Variants in ZNF532 observed in about 807,000 individuals in gnomAD.
ZNF532 encodes zinc finger protein 532.
Under a neutral mutation model 89.3 loss-of-function variants are expected in ZNF532, and 22 were observed. That is an observed-to-expected ratio of 0.25 (90% CI 0.18 to 0.35). The LOEUF (loss-of-function observed/expected upper bound fraction) is 0.35. Among genes scored for constraint, ZNF532 ranks in the 10% least tolerant of loss-of-function variants. The probability of loss-of-function intolerance (pLI) is 1.00; values close to 1 mark genes in which losing one functional copy is unlikely to be tolerated. For missense variants in ZNF532, 1,132 were observed against 1,643.4 expected (o/e 0.69, Z 5.38); for synonymous variants, 606 against 649.6 (o/e 0.93, Z 1.02).
chr18:58,866,022 T>G (rs2144369522), intron 2 of ZNF532, among the ~76,000 whole-genome samples: 1 of 152,370 alleles, frequency 6.6e-6, no homozygotes, highest in South Asian at 2.1e-4. Context: ...ATTCATCACC[T>G]TTCTTTTACC....
At chr18:58,962,087 A>G (rs546279264) in intron 7 of ZNF532, among the ~76,000 whole-genome samples, 5 of 152,220 alleles carry the variant, frequency 3.3e-5, no homozygotes, top group African/African-American at 1.2e-4. Flanking sequence ...TTAGCTGGGC[A>G]TGGTGGCGGG....
intron 2 of ZNF532, among the ~76,000 whole-genome samples, chr18:58,870,592 A>T (rs1337242161): frequency 6.6e-6 from 1 of 152,132 alleles, no homozygotes; most frequent in Non-Finnish European, 1.5e-5. Context: ...ACCTTTCGTT[A>T]CAAAGGTCCT....
chr18:58,906,763 C>G lies in ZNF532; in HGVS notation c.-17-11508C>G, dbSNP rs956015000. On this transcript the variant is annotated intron_variant, in intron 2 of 9. Coordinates refer to ENST00000591808, the MANE Select transcript of ZNF532 (RefSeq NM_001375912.1). Reference sequence around the variant, plus strand: ...CCAAGCTAATACAAAATTATTATTACTTGAAAGAGAAATTGGCTGCTTCTT... The same window carrying G: ...CCAAGCTAATACAAAATTATTATTAGTTGAAAGAGAAATTGGCTGCTTCTT... Among the ~76,000 whole-genome samples, 5 of 152,164 alleles carry G rather than the reference C, an allele frequency of 3.3e-5. No homozygotes were observed. The East Asian group carries it at 7.7e-4, about 23-fold the overall frequency.
rs1484047775 is a variant in ZNF532 at position 58,986,408 on chromosome 18, C to A, written c.*1942C>A. On this transcript the variant is annotated 3_prime_UTR_variant, in exon 10 of 10. Coordinates refer to ENST00000591808, the MANE Select transcript of ZNF532 (RefSeq NM_001375912.1). ...TATTTTGCTCTCTAAATCTAATGCTCGCTCTATGTGGTTATGTACATATTG... is the reference window on the plus strand; with the variant it reads ...TATTTTGCTCTCTAAATCTAATGCTAGCTCTATGTGGTTATGTACATATTG... The A allele has an allele frequency of 6.6e-6, 1 of 152,558 alleles. No individual in the cohort carries two copies. The highest frequency in any genetic ancestry group is 1.5e-5 in the Non-Finnish European group (1 of 68,036). The allele number at this position is 152,558 out of a possible 1,614,324, so 9.5% of individuals were successfully genotyped here.
intron 3 of ZNF532, among the ~76,000 whole-genome samples, chr18:58,922,862 C>T (rs1369047218): frequency 6.6e-6 from 1 of 152,162 alleles, no homozygotes; most frequent in African/African-American, 2.4e-5. Flanking sequence ...AGGGCATGAG[C>T]AGGCGGGTAG....
At chr18:58,917,356 GC>G (rs1171452569) in intron 2 of ZNF532, among the ~76,000 whole-genome samples, 1 of 152,170 alleles carries the variant, frequency 6.6e-6, no homozygotes, top group African/African-American at 2.4e-5. Context: ...CAGCTTACAG[GC>G]CAGTATGTAA....
At chr18:58,911,642 A>G (rs929822353) in intron 2 of ZNF532, among the ~76,000 whole-genome samples, 1 of 152,216 alleles carries the variant, frequency 6.6e-6, no homozygotes, top group Admixed American at 6.5e-5. Context: ...AGCTATGATC[A>G]TGGCACTGCA....
chr18:58,881,605 G>C (rs2057932466), intron 2 of ZNF532, among the ~76,000 whole-genome samples: 1 of 145,236 alleles, frequency 6.9e-6, no homozygotes, highest in African/African-American at 2.6e-5. Flanking sequence ...CTAAAAGGCA[G>C]AGCTCACCTC....
At chr18:58,928,409 C>T (rs1262144022) in intron 3 of ZNF532, among the ~76,000 whole-genome samples, 1 of 152,224 alleles carries the variant, frequency 6.6e-6, no homozygotes, top group Non-Finnish European at 1.5e-5. Flanking sequence ...TCCTTATGAA[C>T]TGGTCTATGC....
Position 58,918,574 on chromosome 18 carries a change from C to T in ZNF532, c.287C>T (p.Ala96Val), listed in dbSNP as rs906885778. The T allele has an allele frequency of 6.2e-7, 1 of 1,614,192 alleles. No homozygotes were observed. The highest frequency in any genetic ancestry group is 1.3e-5 in the African/African-American group (1 of 75,044). ...GNGLHNGFLT[A>V]SSLDSYSKDG... ...GGCTTACATAATGGGTTTCTCACAG[C>T]ATCCTCCCTTGACAGTTACAGTAAA... The change falls in exon 3 of 10, where the codon GCA (alanine) becomes GTA (valine). Residue 96 changes from alanine (A) to valine (V), a missense_variant. Around this residue, in one of 9 missense-constraint regions of ZNF532, gnomAD observed 302 missense variants for 319.8 expected, o/e 0.94. Coordinates refer to ENST00000591808, the MANE Select transcript of ZNF532 (RefSeq NM_001375912.1).
intron 5 of ZNF532, chr18:58,940,230 T>C (rs974731029): frequency 6.6e-6 from 1 of 152,132 alleles, no homozygotes; most frequent in Admixed American, 6.5e-5. Flanking sequence ...GGAAAACTAT[T>C]TTTTAGAAAC....
chr18:58,972,758 C>T (rs1335205627), intron 7 of ZNF532, among the ~76,000 whole-genome samples: 1 of 152,142 alleles, frequency 6.6e-6, no homozygotes, highest in Non-Finnish European at 1.5e-5. Context: ...ATTTAAACAC[C>T]GTCATGTCTT....
At chr18:58,961,812 C>T (rs189613822) in intron 7 of ZNF532, among the ~76,000 whole-genome samples, 27 of 152,266 alleles carry the variant, frequency 1.8e-4, no homozygotes, top group Admixed American at 1.7e-3. Flanking sequence ...ATGTGAGGAC[C>T]AGCATGTGAT....
chr18:58,957,699 C>A (rs1189656168), intron 7 of ZNF532, among the ~76,000 whole-genome samples: 1 of 152,036 alleles, frequency 6.6e-6, no homozygotes, highest in African/African-American at 2.4e-5. Flanking sequence ...TCCAGAAGAA[C>A]TTTACTAAAA....
In ZNF532 at chr18:58,972,975, T is replaced by C. The variant is rs536571184; in HGVS notation, c.3151-6080T>C. On this transcript the variant is annotated intron_variant, in intron 7 of 9. Transcript: ENST00000591808. ...ACAGCTTCTGTTCTCAAGGAGCTTA[T>C]GGGGGAGGGAAAATGCCCCCCAAAC... is the stretch of plus-strand genomic sequence containing the variant. Among the ~76,000 whole-genome samples the C allele has an allele frequency of 3.3e-5, 5 of 152,334 alleles. No individual in the cohort carries two copies. The East Asian group carries it at 9.6e-4, about 29-fold the overall frequency.
At chr18:58,967,594 T>C (rs570804529) in intron 7 of ZNF532, among the ~76,000 whole-genome samples, 68 of 152,314 alleles carry the variant, frequency 4.5e-4, no homozygotes, top group African/African-American at 1.6e-3. Flanking sequence ...ACTTTTTTTT[T>C]CTGCTGTTGT....
intron 2 of ZNF532, among the ~76,000 whole-genome samples, chr18:58,917,828 A>C (rs989725003): frequency 1.3e-5 from 2 of 151,762 alleles, no homozygotes; most frequent in African/African-American, 4.8e-5. Context: ...TGATTGTGGT[A>C]TGTTTCTTTT....
At chr18:58,880,308 G>A (rs1290150043) in intron 2 of ZNF532, among the ~76,000 whole-genome samples, 1 of 152,226 alleles carries the variant, frequency 6.6e-6, no homozygotes, top group Non-Finnish European at 1.5e-5. Flanking sequence ...GAGCCATTTT[G>A]AGATCTAAGT....
chr18:58,903,948 C>T (rs2059759406), intron 2 of ZNF532, among the ~76,000 whole-genome samples: 1 of 152,176 alleles, frequency 6.6e-6, no homozygotes, highest in Non-Finnish European at 1.5e-5. Flanking sequence ...AAAATTTCAG[C>T]ATACATTGGG....
Sources: gnomAD v4.1 joint callset for allele counts (sites outside exome capture counted in the v4.1 genomes callset) on GRCh38, gnomAD v4.1.1 for gene constraint, gnomAD v4.1.1 regional missense constraint, MANE v1.5 for transcripts, NCBI Gene and HGNC (gene_info 2026-07-23, HGNC 2026-07-21) for gene names.